Variants in UGGT1 observed in about 807,000 individuals in gnomAD.
UGGT1 encodes the protein UDP-glucose glycoprotein glucosyltransferase 1, also known as UDP-glucose:glycoprotein glucosyltransferase 1.
A neutral mutation model predicts 203.9 loss-of-function variants in UGGT1; 107 were observed. That is an observed-to-expected ratio of 0.52 (90% CI 0.45 to 0.62). UGGT1 has a LOEUF of 0.62. Ranked by LOEUF, UGGT1 falls within the 20% of genes least tolerant of loss-of-function variation. The pLI is 0.00. For missense variants in UGGT1, 1,673 were observed against 1,867.2 expected (o/e 0.90, Z 1.92); for synonymous variants, 628 against 653.5 (o/e 0.96, Z 0.59).
At chr2:128,116,393 TC>T in intron 8 of UGGT1, 50 bp downstream of exon 8, 1 of 1,197,772 alleles carries the variant, frequency 8.3e-7, no homozygotes, top group Non-Finnish European at 1.2e-6. Context: ...TCTTTAAGCC[TC>T]CAGGCTTTCT....
chr2:128,091,411 G>C lies in UGGT1; in HGVS notation c.54G>C (p.Val18=). Residue 18 remains valine, a synonymous_variant, in exon 1 of 41, where the codon GTG becomes GTC. Transcript: ENST00000259253. ...CGTGTGCCGCGGGTGCGCTGCCGGTGACAGGTACCCAGGGGTGGCGTGAGG... is the reference window on the plus strand; with the variant it reads ...CGTGTGCCGCGGGTGCGCTGCCGGTCACAGGTACCCAGGGGTGGCGTGAGG... The part of the protein sequence containing the change: ...SGACAAGALP[V]TGVCYKMGVL... 6.3e-7 allele frequency: 1 copy of C among 1,581,974 alleles called. No individual in the cohort carries two copies. Among genetic ancestry groups the C allele is most frequent in the Middle Eastern group, 1.7e-4 (1 of 5,930 alleles).
intron 2 of UGGT1, among the ~76,000 whole-genome samples, chr2:128,098,776 A>G (rs1687232789): frequency 6.6e-6 from 1 of 151,896 alleles, no homozygotes; most frequent in Non-Finnish European, 1.5e-5. Context: ...GAAAGAAGTT[A>G]TCTTACGATT....
chr2:128,159,777 C>G lies in UGGT1; in HGVS notation c.2562+57C>G. 1.9e-6 allele frequency: 3 copies of G among 1,538,830 alleles called. No individual in the cohort carries two copies. In the South Asian group the frequency reaches 3.4e-5, roughly 18 times the overall value. On this transcript the variant is annotated intron_variant, in intron 23 of 40. Transcript: ENST00000259253. ...CATTTTGTCTGCCACGGAAGCTCAC[C>G]CACTGCAGCTTACGTGTCCGGTTCA...
intron 5 of UGGT1, among the ~76,000 whole-genome samples, chr2:128,111,078 A>G (rs1269376368): frequency 6.6e-6 from 1 of 152,160 alleles, no homozygotes; most frequent in Non-Finnish European, 1.5e-5. Context: ...TGTTAAGTCC[A>G]TTGGGGGCAC....
At chr2:128,129,266 T>TA in intron 13 of UGGT1, 87 bp downstream of exon 13, 1 of 1,419,424 alleles carries the variant, frequency 7.0e-7, no homozygotes, top group Non-Finnish European at 9.4e-7. Context: ...AGGGTGAAGT[T>TA]ACTCCCACCA....
rs1692475529 is a variant in UGGT1 at position 128,195,558 on chromosome 2, T to C, written c.*5816T>C. The C allele has an allele frequency of 6.6e-6, 1 of 152,208 alleles. No homozygotes were observed. Among genetic ancestry groups the C allele is most frequent in the Admixed American group, 6.5e-5 (1 of 15,284 alleles). 9.4% of individuals were successfully genotyped at this position (152,208 alleles called of 1,614,324 possible). A position where few individuals can be genotyped will look rare whatever the true frequency, so the allele number is the denominator to read the frequency against. ...TGCTGCCTCTTGCTTGGGAACAGCA[T>C]TGGGCTTTTAAATGTCTGCAGAATC... On this transcript the variant is annotated 3_prime_UTR_variant, in exon 41 of 41. Coordinates refer to ENST00000259253, the MANE Select transcript of UGGT1 (RefSeq NM_020120.4).
intron 11 of UGGT1, among the ~76,000 whole-genome samples, chr2:128,124,750 G>A (rs1688533719): frequency 6.7e-6 from 1 of 149,236 alleles, no homozygotes; most frequent in African/African-American, 2.5e-5. Flanking sequence ...TCCTTTAGTT[G>A]TCAAATATTT....
At chr2:128,172,855 C>A in intron 29 of UGGT1, 93 bp downstream of exon 29, 1 of 1,198,228 alleles carries the variant, frequency 8.3e-7, no homozygotes, top group Non-Finnish European at 1.2e-6. Context: ...CATCAGTGTT[C>A]AGGTATGATA....
At chr2:128,181,662 C>G (rs1464267979) in intron 36 of UGGT1, among the ~76,000 whole-genome samples, 1 of 152,192 alleles carries the variant, frequency 6.6e-6, no homozygotes, top group Non-Finnish European at 1.5e-5. Flanking sequence ...AGAGACTTCA[C>G]TCACCTCTTT....
chr2:128,176,000 T>C (rs548428662), intron 31 of UGGT1, among the ~76,000 whole-genome samples: 1 of 152,376 alleles, frequency 6.6e-6, no homozygotes, highest in Non-Finnish European at 1.5e-5. Flanking sequence ...ATAGAATTTG[T>C]TACAGTTTTT....
intron 2 of UGGT1, among the ~76,000 whole-genome samples, chr2:128,102,667 G>A (rs1205575059): frequency 6.6e-6 from 1 of 152,126 alleles, no homozygotes; most frequent in African/African-American, 2.4e-5. Flanking sequence ...TGAAAAGAAT[G>A]TATGTTTCAA....
Position 128,173,806 on chromosome 2 carries a change from A to G in UGGT1, c.3320A>G (p.Tyr1107Cys). 6.2e-7 allele frequency: 1 copy of G among 1,614,160 alleles called. No homozygotes were observed. The highest frequency in any genetic ancestry group is 8.5e-7 in the Non-Finnish European group (1 of 1,180,018). ...EEVDSVVAAEYELEYLLLEGH... is the reference protein window; with the variant it reads ...EEVDSVVAAECELEYLLLEGH... ...GTGGACAGTGTAGTGGCTGCTGAGT[A>G]TGAGCTGGAATACCTGTTACTGGAA... Residue 1107 changes from tyrosine (Y) to cysteine (C), a missense_variant, in exon 30 of 41, where the codon TAT becomes TGT. This residue lies in a region of UGGT1 where 513 missense variants were observed against 684.1 expected (regional missense o/e 0.75). Transcript: ENST00000259253.
intron 1 of UGGT1, among the ~76,000 whole-genome samples, chr2:128,094,802 G>T (rs889154902): frequency 7.2e-6 from 1 of 138,768 alleles, no homozygotes; most frequent in South Asian, 2.3e-4. Context: ...AGGCTGGAGT[G>T]CAGTGGTGCG....
chr2:128,179,164 T>C (rs1691558781), intron 34 of UGGT1, among the ~76,000 whole-genome samples: 1 of 152,068 alleles, frequency 6.6e-6, no homozygotes, highest in African/African-American at 2.4e-5. Context: ...AATTTTTCAC[T>C]ACAGATCTAG....
intron 2 of UGGT1, chr2:128,102,965 A>G (rs918469556): frequency 1.6e-5 from 7 of 437,942 alleles, no homozygotes; most frequent in Non-Finnish European, 2.8e-5. Context: ...ACTTTCAAGG[A>G]GGCATTGAGA....
At chr2:128,121,448 G>C (rs6430991) in intron 10 of UGGT1, 150 bp downstream of exon 10, 506,969 of 542,818 alleles carry the variant, frequency 0.93, 238,548 homozygotes, top group Non-Finnish European at 0.98. Context: ...TCTTGTTGCC[G>C]AGGCTAGAGT....
intron 12 of UGGT1, among the ~76,000 whole-genome samples, chr2:128,128,307 CT>C (rs1233230247): frequency 8.4e-6 from 1 of 119,260 alleles, no homozygotes. Context: ...TTTCTCCTTC[CT>C]TTCTATCTTT....
intron 25 of UGGT1, among the ~76,000 whole-genome samples, chr2:128,164,109 G>A (rs916793602): frequency 2.0e-5 from 3 of 152,146 alleles, no homozygotes; most frequent in African/African-American, 7.2e-5. Flanking sequence ...AGCCTGGAAG[G>A]TCGAGGATGC....
At chr2:128,159,999 C>T (rs1005979002) in intron 23 of UGGT1, among the ~76,000 whole-genome samples, 11 of 152,062 alleles carry the variant, frequency 7.2e-5, no homozygotes, top group African/African-American at 2.7e-4. Flanking sequence ...GAGCAAAAAA[C>T]GGAGATTTGA....
Sources: gnomAD v4.1 joint callset for allele counts (sites outside exome capture counted in the v4.1 genomes callset) on GRCh38, gnomAD v4.1.1 for gene constraint, gnomAD v4.1.1 regional missense constraint, MANE v1.5 for transcripts, NCBI Gene and HGNC (gene_info 2026-07-23, HGNC 2026-07-21) for gene names.